The following MYOM2 variants were observed in gnomAD, a reference collection of about 807,000 sequenced individuals.
MYOM2 encodes myomesin 2, also known as myomesin-2.
MYOM2 carries 254 observed loss-of-function variants against 187.6 expected under a neutral mutation model. The observed-to-expected ratio is 1.35, with a 90% CI of 1.22 to 1.50. The LOEUF (loss-of-function observed/expected upper bound fraction) is 1.50. Among genes scored for constraint, MYOM2 ranks in the 40% most tolerant of loss-of-function variants. MYOM2 has a pLI of 0.00. For missense variants in MYOM2, 2,796 were observed against 1,924.0 expected (o/e 1.45, Z -8.48); for synonymous variants, 981 against 753.8 (o/e 1.30, Z -4.94).
intron 14 of MYOM2, 30 bp from the exon 15 acceptor site, chr8:2,089,978 T>C: frequency 6.2e-7 from 1 of 1,610,300 alleles, no homozygotes; most frequent in Non-Finnish European, 8.5e-7. Flanking sequence ...CGGTTTTCAC[T>C]GCCAGTCTCG....
At chr8:2,099,467 C>T (rs189911876) in intron 19 of MYOM2, among the ~76,000 whole-genome samples, 1 of 152,196 alleles carries the variant, frequency 6.6e-6, no homozygotes, top group Non-Finnish European at 1.5e-5. Flanking sequence ...GGGGGAGGCA[C>T]GACAGGGTTC....
Position 2,142,383 on chromosome 8 carries a change from C to G in MYOM2, c.4010C>G (p.Ala1337Gly). ...FAEFQQFKAA[A>G]FAEKNRGRLI... Reference sequence around the variant, plus strand: ...TCCCCTTTAACTTTTAGAGCTGCTGCTTTTGCAGAGAAGAGTAAGTACCTG... The same window carrying G: ...TCCCCTTTAACTTTTAGAGCTGCTGGTTTTGCAGAGAAGAGTAAGTACCTG... The change falls in exon 35 of 37, where the codon GCT (alanine) becomes GGT (glycine). Residue 1337 changes from alanine to glycine, a missense_variant. Coordinates refer to ENST00000262113, the MANE Select transcript of MYOM2 (RefSeq NM_003970.4). The G allele has an allele frequency of 1.2e-6, 2 of 1,613,858 alleles. No individual in the cohort carries two copies. The highest frequency in any genetic ancestry group is 1.7e-6 in the Non-Finnish European group (2 of 1,179,706).
At chr8:2,135,074 C>T (rs1798021676) in intron 32 of MYOM2, among the ~76,000 whole-genome samples, 1 of 152,200 alleles carries the variant, frequency 6.6e-6, no homozygotes, top group Non-Finnish European at 1.5e-5. Context: ...CCACAGCCTT[C>T]ATTCAAGCCT....
intron 5 of MYOM2, among the ~76,000 whole-genome samples, chr8:2,057,998 GTTTTTTTTTTTTTTTT>G (rs572901199): frequency 5.7e-4 from 46 of 80,728 alleles, no homozygotes; most frequent in Admixed American, 1.8e-3. Context: ...TTTTCAGAGG[GTTTTTTTTTTTTTTTT>G]TTTTTTTTTT....
chr8:2,126,579 T>C (rs1045642227), intron 31 of MYOM2, among the ~76,000 whole-genome samples: 1 of 152,000 alleles, frequency 6.6e-6, no homozygotes, highest in Admixed American at 6.6e-5. Context: ...CACACACTGA[T>C]GCATACAGAC....
chr8:2,118,970 T>A (rs1365728645), intron 28 of MYOM2: 1 of 151,862 alleles, frequency 6.6e-6, no homozygotes. Flanking sequence ...TAGCTGGGTG[T>A]GGGTGAGAGG....
intron 17 of MYOM2, among the ~76,000 whole-genome samples, chr8:2,095,763 C>T (rs1796460576): frequency 6.6e-6 from 1 of 152,184 alleles, no homozygotes; most frequent in Admixed American, 6.5e-5. Context: ...AACAGGGAAA[C>T]ACGGATTCAC....
intron 32 of MYOM2, among the ~76,000 whole-genome samples, chr8:2,136,724 A>T (rs892491001): frequency 1.3e-5 from 2 of 152,196 alleles, no homozygotes; most frequent in African/African-American, 4.8e-5. Flanking sequence ...TATTTTATGA[A>T]TGATCGCGTG....
intron 5 of MYOM2, among the ~76,000 whole-genome samples, 156 bp downstream of exon 5, chr8:2,057,936 A>G (rs3779862): frequency 0.34 from 50,581 of 148,516 alleles, 8,767 homozygotes; most frequent in East Asian, 0.59. Flanking sequence ...CTGAACGTTC[A>G]CTTTAACTCA....
chr8:2,064,000 G>A (rs1220805146), intron 6 of MYOM2, among the ~76,000 whole-genome samples: 1 of 152,238 alleles, frequency 6.6e-6, no homozygotes, highest in Admixed American at 6.5e-5. Flanking sequence ...GGTGAGCTGA[G>A]TGCCTGTGTG....
chr8:2,092,588 G>T (rs975007759), intron 16 of MYOM2, 68 bp downstream of exon 16: 18 of 1,505,036 alleles, frequency 1.2e-5, no homozygotes, highest in Non-Finnish European at 1.5e-5. Context: ...GGTCCCTGTG[G>T]CCCTGGCACA....
In MYOM2 at chr8:2,141,193, T is replaced by G; in HGVS notation, c.4001+16T>G. ...AGCAATTCAAGTAAGATTTGTGTAT[T>G]TAGTTACTATGATATCCTGTGGGCA... On this transcript the variant is annotated intron_variant, in intron 34 of 36. Coordinates refer to ENST00000262113, the MANE Select transcript of MYOM2 (RefSeq NM_003970.4). 3 of 1,611,124 alleles carry G rather than the reference T, an allele frequency of 1.9e-6. No homozygotes were observed. Among genetic ancestry groups the G allele is most frequent in the African/African-American group, 1.3e-5 (1 of 75,006 alleles).
At position 2,057,673 on chromosome 8, in the gene MYOM2, C is replaced by T. The variant is rs888814400; in HGVS notation, c.453C>T (p.Ser151=). 3.1e-6 allele frequency: 5 copies of T among 1,614,098 alleles called. No individual in the cohort carries two copies. Among genetic ancestry groups the T allele is most frequent in the Non-Finnish European group, 4.2e-6 (5 of 1,180,006 alleles). The change falls in exon 5 of 37, where the codon AGC becomes AGT. Residue 151 remains serine (S), a synonymous_variant. Transcript: ENST00000262113. ...WERHTFEERI[S]RAPEILVRLR... ...GACACACATTTGAAGAGCGGATAAG[C>T]AGGGCTCCTGAGATCCTGGTGCGGC...
In MYOM2 at chr8:2,078,923, A is replaced by G. The variant is rs202193099; in HGVS notation, c.1452A>G (p.Arg484=). The G allele has an allele frequency of 2.4e-4, 380 of 1,613,658 alleles. No individual in the cohort carries two copies. The highest frequency in any genetic ancestry group is 3.2e-4 in the Non-Finnish European group (372 of 1,179,772). The change falls in exon 12 of 37, where the codon AGA becomes AGG. Residue 484 remains arginine (R), a synonymous_variant. Coordinates refer to ENST00000262113, the MANE Select transcript of MYOM2 (RefSeq NM_003970.4). ...CTGCACTTGACCCCTTGGACCTCAG[A>G]AGGTTACAAGGTAAGCTGCTCACGC... ...AVAALDPLDL[R]RLQAVHLEGE...
At chr8:2,049,387 C>G (rs1818411408) in intron 1 of MYOM2, among the ~76,000 whole-genome samples, 2 of 152,168 alleles carry the variant, frequency 1.3e-5, no homozygotes, top group Admixed American at 1.3e-4. Context: ...CGCTAGTGAT[C>G]TTTCCAAGTT....
intron 28 of MYOM2, among the ~76,000 whole-genome samples, chr8:2,120,696 A>AAT (rs1346164466): frequency 3.6e-5 from 3 of 84,008 alleles, no homozygotes; most frequent in African/African-American, 9.6e-5. Context: ...ATAAATATAT[A>AAT]ATATATATAT....
In MYOM2 at chr8:2,102,663, C is replaced by G; in HGVS notation, c.2620-4C>G. The G allele has an allele frequency of 6.3e-7, 1 of 1,599,572 alleles. No homozygotes were observed. The highest frequency in any genetic ancestry group is 8.6e-7 in the Non-Finnish European group (1 of 1,168,086). On this transcript the variant is annotated splice_region_variant and splice_polypyrimidine_tract_variant and intron_variant, in intron 20 of 36. Coordinates refer to ENST00000262113, the MANE Select transcript of MYOM2 (RefSeq NM_003970.4). The stretch of plus-strand genomic sequence containing the variant: ...ACATCTGGTGTTTCCTCTGTTGTTT[C>G]AAGGTCTCTGACCTGCAGCAAGGTA...
intron 27 of MYOM2, among the ~76,000 whole-genome samples, chr8:2,117,047 T>C (rs191287999): frequency 6.6e-6 from 1 of 152,228 alleles, no homozygotes; most frequent in Non-Finnish European, 1.5e-5. Context: ...ACAGGGGTGA[T>C]CCACTGCGCC....
Position 2,102,648 on chromosome 8 carries a change from T to C in MYOM2, c.2620-19T>C. On this transcript the variant is annotated intron_variant, in intron 20 of 36. Coordinates refer to ENST00000262113, the MANE Select transcript of MYOM2 (RefSeq NM_003970.4). ...TTATTTTACCTCCACACATCTGGTGTTTCCTCTGTTGTTTCAAGGTCTCTG... is the reference window on the plus strand; with the variant it reads ...TTATTTTACCTCCACACATCTGGTGCTTCCTCTGTTGTTTCAAGGTCTCTG... 1 of 1,556,468 alleles carries C rather than the reference T, an allele frequency of 6.4e-7. No homozygotes were observed. Among genetic ancestry groups the C allele is most frequent in the Non-Finnish European group, 8.8e-7 (1 of 1,130,514 alleles).
Sources: allele counts gnomAD v4.1 joint callset (sites outside exome capture counted in the v4.1 genomes callset), GRCh38; gene constraint gnomAD v4.1.1; transcripts MANE v1.5; gene names NCBI Gene and HGNC (gene_info 2026-07-23, HGNC 2026-07-21).